RBFOX1: variants seen among roughly 807,000 people sequenced by gnomAD.
The protein encoded by RBFOX1 is RNA binding protein fox-1 homolog 1.
RBFOX1 carries 8 observed loss-of-function variants against 57.7 expected under a neutral mutation model. The observed-to-expected ratio is 0.14, with a 90% CI of 0.08 to 0.25. RBFOX1 has a LOEUF of 0.25. Ranked by LOEUF, RBFOX1 falls within the 10% of genes least tolerant of loss-of-function variation. The probability of loss-of-function intolerance (pLI) is 1.00; values close to 1 mark genes in which losing one functional copy is unlikely to be tolerated. For missense variants in RBFOX1, 611 were observed against 548.5 expected (o/e 1.11, Z -1.14); for synonymous variants, 326 against 222.4 (o/e 1.47, Z -4.15).
intron 3 of RBFOX1, among the ~76,000 whole-genome samples, chr16:5,811,400 C>A (rs1259578991): frequency 6.6e-6 from 1 of 151,624 alleles, no homozygotes; most frequent in African/African-American, 2.4e-5. Flanking sequence ...GCCTCGGCCT[C>A]TCAAAGTGCT....
chr16:5,609,849 G>C (rs1181410642), intron 3 of RBFOX1, among the ~76,000 whole-genome samples: 2 of 151,776 alleles, frequency 1.3e-5, no homozygotes, highest in African/African-American at 4.8e-5. Context: ...GTGGGGGTGG[G>C]GAGCAGAGGA....
At chr16:6,064,614 C>T in intron 1 of RBFOX1, among the ~76,000 whole-genome samples, 1 of 151,982 alleles carries the variant, frequency 6.6e-6, no homozygotes, top group Non-Finnish European at 1.5e-5. Context: ...GATCTCGGCT[C>T]ACTGCAACCT....
chr16:5,633,535 C>G (rs1386927801), intron 3 of RBFOX1, among the ~76,000 whole-genome samples: 1 of 152,052 alleles, frequency 6.6e-6, no homozygotes, highest in Non-Finnish European at 1.5e-5. Context: ...CCAGAATCTA[C>G]AAGGAACTCA....
chr16:6,803,338 G>C (rs1357911866), intron 3 of RBFOX1, among the ~76,000 whole-genome samples: 2 of 152,168 alleles, frequency 1.3e-5, no homozygotes, highest in African/African-American at 4.8e-5. Flanking sequence ...GAAAACTACA[G>C]CAGAAGTGTT....
At chr16:6,145,063 C>T (rs184549852) in intron 1 of RBFOX1, among the ~76,000 whole-genome samples, 2 of 151,904 alleles carry the variant, frequency 1.3e-5, no homozygotes, top group African/African-American at 4.8e-5. Flanking sequence ...AGTTCATGGG[C>T]ACAAGTGCAG....
At chr16:5,679,789 T>C (rs1207283362) in intron 3 of RBFOX1, among the ~76,000 whole-genome samples, 1 of 152,224 alleles carries the variant, frequency 6.6e-6, no homozygotes, top group Non-Finnish European at 1.5e-5. Flanking sequence ...TGGGTGACAT[T>C]GCATAAGCTC....
At position 6,006,824 on chromosome 16, in the gene RBFOX1, G is replaced by A. The variant is rs1300137856; in HGVS notation, c.351+139489G>A. On this transcript the variant is annotated intron_variant, in intron 4 of 19. Coordinates refer to the RBFOX1 transcript ENST00000641259. The stretch of plus-strand genomic sequence containing the variant: ...AGTGGAAATGAGGGGAACCTAAGAG[G>A]ATTGTAGGAGGGAATGAGAGTTTAA... Among the ~76,000 whole-genome samples the A allele has an allele frequency of 7.2e-5, 11 of 152,338 alleles. No homozygotes were observed. In the East Asian group the frequency reaches 2.1e-3, roughly 29 times the overall value.
intron 1 of RBFOX1, among the ~76,000 whole-genome samples, chr16:6,291,149 C>G (rs1242578553): frequency 6.6e-6 from 1 of 152,076 alleles, no homozygotes; most frequent in East Asian, 1.9e-4. Context: ...TGGGTTTTGG[C>G]CACCTTCTCC....
chr16:6,792,934 G>A (rs1225169269), intron 3 of RBFOX1, among the ~76,000 whole-genome samples: 1 of 151,796 alleles, frequency 6.6e-6, no homozygotes, highest in Non-Finnish European at 1.5e-5. Context: ...GGAGGCTGAG[G>A]CAGAGAATTG....
At chr16:7,084,603 A>G (rs1266476783) in intron 4 of RBFOX1, among the ~76,000 whole-genome samples, 3 of 152,160 alleles carry the variant, frequency 2.0e-5, no homozygotes, top group Non-Finnish European at 4.4e-5. Context: ...TGAGAGGTAT[A>G]AAGGATTTCA....
At chr16:7,530,397 G>A (rs2079750833) in intron 5 of RBFOX1, among the ~76,000 whole-genome samples, 1 of 152,038 alleles carries the variant, frequency 6.6e-6, no homozygotes, top group Admixed American at 6.6e-5. Context: ...AGCACGCTGA[G>A]CTGTACACTG....
chr16:7,523,992 C>G (rs1199332779), intron 5 of RBFOX1, among the ~76,000 whole-genome samples: 1 of 152,176 alleles, frequency 6.6e-6, no homozygotes, highest in Non-Finnish European at 1.5e-5. Flanking sequence ...CACCCTATAT[C>G]CATGACCCTG....
chr16:5,709,705 G>C (rs1315616122), intron 3 of RBFOX1, among the ~76,000 whole-genome samples: 1 of 92,414 alleles, frequency 1.1e-5, no homozygotes, highest in Non-Finnish European at 3.1e-5. Flanking sequence ...CTGACACCTG[G>C]TATTCTATGG....
chr16:7,240,037 G>C (rs1185243207), intron 4 of RBFOX1, among the ~76,000 whole-genome samples: 5 of 152,142 alleles, frequency 3.3e-5, no homozygotes. Flanking sequence ...TGCAATGTCT[G>C]CTCACTAGAA....
intron 3 of RBFOX1, among the ~76,000 whole-genome samples, chr16:6,767,947 T>TAATAAGAAGAAG (rs1410744665): frequency 2.7e-3 from 274 of 101,002 alleles, no homozygotes; most frequent in East Asian, 4.8e-3. Context: ...ATAATAATAA[T>TAATAAGAAGAAG]AAGAAGAAGA....
intron 4 of RBFOX1, among the ~76,000 whole-genome samples, chr16:5,881,302 C>T (rs2057755280): frequency 6.6e-6 from 1 of 152,170 alleles, no homozygotes; most frequent in Non-Finnish European, 1.5e-5. Flanking sequence ...TCTCTACCAC[C>T]TTGTGGTAGT....
chr16:5,423,955 T>C (rs1355798945), intron 1 of RBFOX1, among the ~76,000 whole-genome samples: 1 of 152,192 alleles, frequency 6.6e-6, no homozygotes. Context: ...CTGGGCATTA[T>C]TACCCGAAGC....
intron 1 of RBFOX1, among the ~76,000 whole-genome samples, chr16:6,181,862 C>G (rs757957366): frequency 3.3e-5 from 5 of 152,154 alleles, no homozygotes; most frequent in Non-Finnish European, 7.3e-5. Context: ...GGGTCTCTCT[C>G]TGGTTGTAGG....
intron 2 of RBFOX1, among the ~76,000 whole-genome samples, chr16:6,587,179 G>C (rs2097639675): frequency 6.6e-6 from 1 of 151,984 alleles, no homozygotes; most frequent in African/African-American, 2.4e-5. Context: ...TGTCTCCCCA[G>C]CTCCCCTCTC....
Sources: gnomAD v4.1 joint callset for allele counts (sites outside exome capture counted in the v4.1 genomes callset) on GRCh38, gnomAD v4.1.1 for gene constraint, MANE v1.5 for transcripts, NCBI Gene and HGNC (gene_info 2026-07-23, HGNC 2026-07-21) for gene names.